The following DISC1 variants were observed in gnomAD, a reference collection of about 807,000 sequenced individuals.
The protein encoded by DISC1 is disrupted in schizophrenia 1 protein.
Under a neutral mutation model 84.5 loss-of-function variants are expected in DISC1, and 57 were observed. The observed-to-expected ratio is 0.67, with a 90% CI of 0.55 to 0.84. DISC1 has a LOEUF of 0.84. Among genes scored for constraint, DISC1 ranks in the 40% least tolerant of loss-of-function variants. The probability of loss-of-function intolerance (pLI) is 0.00; values close to 1 mark genes in which losing one functional copy is unlikely to be tolerated. For missense variants in DISC1, 1,000 were observed against 1,057.8 expected (o/e 0.95, Z 0.76); for synonymous variants, 411 against 415.2 (o/e 0.99, Z 0.12).
rs143796295 is a variant in DISC1, at chr1:231,694,237, G to T, written c.479G>T (p.Trp160Leu). ...AGTTCTGAGACCCTGGACGCCAGCT[G>T]GGAGGCAGCCTGCAGCGATGGAGCA... ...MDSSETLDAS[W>L]EAACSDGARR... is the part of the protein sequence containing the mutation. Residue 160 changes from tryptophan to leucine, a missense_variant, in exon 2 of 13, where the codon TGG becomes TTG. Trp to Leu is a moderately conservative substitution (Grantham distance 61). Around this residue, in one of 3 missense-constraint regions of DISC1, gnomAD observed 292 missense variants for 280.2 expected, o/e 1.04. Transcript: ENST00000439617. 1.2e-3 allele frequency: 1,991 copies of T among 1,614,230 alleles called. 3 individuals carry two copies. Among genetic ancestry groups the T allele is most frequent in the Non-Finnish European group, 1.3e-3 (1,563 of 1,180,058 alleles).
intron 6 of DISC1, among the ~76,000 whole-genome samples, chr1:231,787,596 C>A (rs1161547952): frequency 6.6e-6 from 1 of 152,210 alleles, no homozygotes; most frequent in Non-Finnish European, 1.5e-5. Flanking sequence ...CGCCTCTCGA[C>A]ACGGTTGCCT....
chr1:231,632,796 C>T (rs541372067), intron 1 of DISC1, among the ~76,000 whole-genome samples: 1 of 152,190 alleles, frequency 6.6e-6, no homozygotes, highest in South Asian at 2.1e-4. Context: ...TTCAGCCAGG[C>T]GCAGTGGCTC....
At chr1:231,665,954 T>G (rs911145983) in intron 1 of DISC1, among the ~76,000 whole-genome samples, 3 of 152,198 alleles carry the variant, frequency 2.0e-5, no homozygotes, top group Non-Finnish European at 4.4e-5. Flanking sequence ...CCTCTGAGGG[T>G]GTGGAAGGGC....
chr1:231,956,103 G>A (rs1412473793), intron 9 of DISC1, among the ~76,000 whole-genome samples: 1 of 152,164 alleles, frequency 6.6e-6, no homozygotes, highest in Non-Finnish European at 1.5e-5. Context: ...CCCCAATGTG[G>A]AGGGAAGGAA....
At chr1:231,750,344 C>G in intron 4 of DISC1, 1 of 1,253,664 alleles carries the variant, frequency 8.0e-7, no homozygotes, top group African/African-American at 1.5e-5. Context: ...TGAAGCATCT[C>G]TTGGGAAACT....
intron 9 of DISC1, among the ~76,000 whole-genome samples, chr1:231,947,862 C>T (rs1008615441): frequency 6.6e-6 from 1 of 152,178 alleles, no homozygotes; most frequent in Non-Finnish European, 1.5e-5. Flanking sequence ...AAAAAATGCT[C>T]ATCATCACTG....
chr1:231,718,280 A>G (rs2069056124), intron 3 of DISC1, among the ~76,000 whole-genome samples: 1 of 152,054 alleles, frequency 6.6e-6, no homozygotes. Context: ...CTCATTTACA[A>G]TTGCTTTTCT....
rs905807771 is a variant in DISC1, at chr1:231,808,277, G to A, written c.1792+8067G>A. 5.3e-5 allele frequency among the ~76,000 whole-genome samples: 8 copies of A among 152,318 alleles called. No homozygotes were observed. The South Asian group carries it at 1.2e-3, about 24-fold the overall frequency. On this transcript the variant is annotated intron_variant, in intron 8 of 12. Coordinates refer to ENST00000439617, the MANE Select transcript of DISC1 (RefSeq NM_018662.3). Reference sequence around the variant, plus strand: ...AGGGCTGGAACCACCGTACCAGTGAGAGGAGAGCTGGCCTGCCCTGCTCAC... The same window carrying A: ...AGGGCTGGAACCACCGTACCAGTGAAAGGAGAGCTGGCCTGCCCTGCTCAC...
intron 9 of DISC1, among the ~76,000 whole-genome samples, chr1:231,898,994 GA>G (rs1412829324): frequency 6.6e-6 from 1 of 150,586 alleles, no homozygotes; most frequent in Non-Finnish European, 1.5e-5. Flanking sequence ...AAAAAAAAAA[GA>G]AACCAAACCA....
chr1:231,870,163 G>T (rs1213673653), intron 9 of DISC1, among the ~76,000 whole-genome samples: 1 of 152,018 alleles, frequency 6.6e-6, no homozygotes, highest in Non-Finnish European at 1.5e-5. Flanking sequence ...ATTTTGCCTG[G>T]GATCATCAGG....
intron 1 of DISC1, among the ~76,000 whole-genome samples, chr1:231,627,173 G>C (rs1354922719): frequency 6.6e-6 from 1 of 152,184 alleles, no homozygotes; most frequent in Non-Finnish European, 1.5e-5. Context: ...ACTGTGCAGC[G>C]ATCCCCGGGA....
intron 9 of DISC1, among the ~76,000 whole-genome samples, chr1:231,858,249 TG>T (rs2084401550): frequency 6.6e-6 from 1 of 152,244 alleles, no homozygotes; most frequent in African/African-American, 2.4e-5. Flanking sequence ...CTCTCTTCCC[TG>T]GCTAAGCATC....
At chr1:231,926,184 T>C (rs1000390054) in intron 9 of DISC1, among the ~76,000 whole-genome samples, 3 of 152,112 alleles carry the variant, frequency 2.0e-5, no homozygotes, top group African/African-American at 7.2e-5. Context: ...ATGAACTTGG[T>C]GAAAAAGTAA....
intron 8 of DISC1, among the ~76,000 whole-genome samples, chr1:231,813,611 T>G (rs2080565104): frequency 6.6e-6 from 1 of 152,206 alleles, no homozygotes; most frequent in South Asian, 2.1e-4. Context: ...GGAAGTGCAG[T>G]CTGCTCTCCT....
intron 9 of DISC1, among the ~76,000 whole-genome samples, chr1:231,957,733 A>G (rs577533229): frequency 6.6e-6 from 1 of 152,332 alleles, no homozygotes; most frequent in Non-Finnish European, 1.5e-5. Flanking sequence ...GGACTAATGA[A>G]CCAGAATGTT....
At chr1:231,784,091 T>C (rs527840736) in intron 6 of DISC1, among the ~76,000 whole-genome samples, 2 of 152,088 alleles carry the variant, frequency 1.3e-5, no homozygotes, top group East Asian at 3.9e-4. Flanking sequence ...GGTGAAACCC[T>C]GTCTCTACTA....
At chr1:231,723,782 C>T (rs532558430) in intron 3 of DISC1, 53 of 985,430 alleles carry the variant, frequency 5.4e-5, no homozygotes, top group East Asian at 4.5e-4. Flanking sequence ...AGGCAAGAAC[C>T]GATGTTTCAT....
intron 10 of DISC1, among the ~76,000 whole-genome samples, chr1:231,989,487 T>C (rs1215805655): frequency 6.6e-6 from 1 of 152,172 alleles, no homozygotes; most frequent in East Asian, 1.9e-4. Context: ...CGCATGTACA[T>C]GGATGATTAA....
At position 231,800,118 on chromosome 1, in the gene DISC1, G is replaced by T. The variant is rs898152837; in HGVS notation, c.1700G>T (p.Ser567Ile). Residue 567 changes from serine to isoleucine, a missense_variant, in exon 8 of 13, where the codon AGT (serine) becomes ATT (isoleucine). Ser to Ile is a moderately radical substitution (Grantham distance 142, BLOSUM62 -2). Coordinates refer to ENST00000439617, the MANE Select transcript of DISC1 (RefSeq NM_018662.3). ...LKEITTKVCM[S>I]EKFCSTLRKK... ...TTTCTCTCCCCCTAGGTGTGTATGA[G>T]TGAGAAATTCTGCAGCACCCTGAGG... 3.1e-6 allele frequency: 5 copies of T among 1,611,022 alleles called. No homozygotes were observed. Among genetic ancestry groups the T allele is most frequent in the South Asian group, 1.1e-5 (1 of 90,998 alleles).
Sources: allele counts gnomAD v4.1 joint callset (sites outside exome capture counted in the v4.1 genomes callset), GRCh38; gene constraint gnomAD v4.1.1; regional missense constraint gnomAD v4.1.1; transcripts MANE v1.5; gene names NCBI Gene and HGNC (gene_info 2026-07-23, HGNC 2026-07-21).